NR2F1-AS1: variants seen among roughly 807,000 people sequenced by gnomAD.
NR2F1-AS1 encodes the protein NR2F1 regulatory antisense RNA 1, also known as NR2F1 antisense RNA 1.
At chr5:93,498,548 A>G (rs1206979975) in intron 4 of NR2F1-AS1, among the ~76,000 whole-genome samples, 1 of 152,136 alleles carries the variant, frequency 6.6e-6, no homozygotes, top group Non-Finnish European at 1.5e-5. Context: ...CTTCATATCA[A>G]TATTGCTTCT....
At chr5:93,522,638 G>C (rs1051748721) in intron 4 of NR2F1-AS1, among the ~76,000 whole-genome samples, 5 of 152,206 alleles carry the variant, frequency 3.3e-5, no homozygotes, top group Admixed American at 1.3e-4. Context: ...ATTTTCAACT[G>C]AGGTATGCAG....
At chr5:93,539,824 T>C (rs1251416546) in intron 4 of NR2F1-AS1, among the ~76,000 whole-genome samples, 2 of 152,202 alleles carry the variant, frequency 1.3e-5, no homozygotes, top group Non-Finnish European at 2.9e-5. Flanking sequence ...AGTAACCTGA[T>C]TGGATGATTA....
chr5:93,531,103 C>T (rs1170128865), intron 4 of NR2F1-AS1, among the ~76,000 whole-genome samples: 2 of 152,044 alleles, frequency 1.3e-5, no homozygotes, highest in Non-Finnish European at 2.9e-5. Flanking sequence ...AAAACAAATA[C>T]AGAAGAGAAG....
intron 1 of NR2F1-AS1, among the ~76,000 whole-genome samples, chr5:93,574,903 G>A (rs1308683146): frequency 2.6e-5 from 4 of 152,144 alleles, no homozygotes; most frequent in South Asian, 2.1e-4. Flanking sequence ...TAGGAAACCC[G>A]GGGAAACATA....
intron 4 of NR2F1-AS1, among the ~76,000 whole-genome samples, chr5:93,537,389 G>C (rs1751861315): frequency 6.6e-6 from 1 of 152,172 alleles, no homozygotes; most frequent in Non-Finnish European, 1.5e-5. Flanking sequence ...TTCTCCTACA[G>C]AATAGGAGAA....
intron 4 of NR2F1-AS1, among the ~76,000 whole-genome samples, chr5:93,478,184 A>G (rs1750526371): frequency 6.6e-6 from 1 of 152,164 alleles, no homozygotes; most frequent in Non-Finnish European, 1.5e-5. Flanking sequence ...GGGAAGGGGG[A>G]GTAAGTAGAA....
At chr5:93,567,502 T>C (rs544906446) in intron 1 of NR2F1-AS1, among the ~76,000 whole-genome samples, 11 of 152,236 alleles carry the variant, frequency 7.2e-5, no homozygotes, top group Middle Eastern at 6.3e-3. Context: ...AGGCTATTAC[T>C]GTCTATTACT....
upstream of NR2F1-AS1, chr5:93,585,228 G>C: frequency 5.2e-6 from 8 of 1,551,638 alleles, no homozygotes; most frequent in Non-Finnish European, 6.1e-6. Flanking sequence ...CACGGCGGGG[G>C]ACAAGGGCCA....
chr5:93,505,318 T>C (rs771836801), intron 4 of NR2F1-AS1, among the ~76,000 whole-genome samples: 5 of 152,150 alleles, frequency 3.3e-5, no homozygotes, highest in Non-Finnish European at 7.3e-5. Context: ...AGGCTAATGT[T>C]GCGTGTCTGC....
chr5:93,525,555 C>T (rs1000598745), intron 4 of NR2F1-AS1, among the ~76,000 whole-genome samples: 2 of 152,170 alleles, frequency 1.3e-5, no homozygotes, highest in Non-Finnish European at 2.9e-5. Flanking sequence ...ACGGAATATA[C>T]CTTCTTCTCA....
Position 93,455,845 on chromosome 5 carries a change from A to G in NR2F1-AS1, n.639-60303T>C, listed in dbSNP as rs531657376. Among the ~76,000 whole-genome samples the G allele has an allele frequency of 7.7e-4, 114 of 148,554 alleles. No individual in the cohort carries two copies. In the South Asian group the frequency reaches 8.7e-3, roughly 11 times the overall value. The stretch of plus-strand genomic sequence containing the variant: ...TACCATGTTAACTACACACACACGC[A>G]CACACACACACACACACACACCTGA... On this transcript the variant is annotated intron_variant and non_coding_transcript_variant, in intron 4 of 5. Transcript: ENST00000660523.
chr5:93,514,326 G>A (rs1751359831), intron 4 of NR2F1-AS1, among the ~76,000 whole-genome samples: 2 of 152,010 alleles, frequency 1.3e-5, no homozygotes, highest in African/African-American at 2.4e-5. Context: ...AATGAAAAAG[G>A]AAACATGAAT....
chr5:93,510,370 T>C (rs1364106044), intron 4 of NR2F1-AS1, among the ~76,000 whole-genome samples: 2 of 152,164 alleles, frequency 1.3e-5, no homozygotes, highest in Non-Finnish European at 2.9e-5. Context: ...ATCATTCCTT[T>C]GTATCAAAGT....
intron 4 of NR2F1-AS1, among the ~76,000 whole-genome samples, chr5:93,418,975 A>G (rs1213323403): frequency 6.6e-6 from 1 of 152,246 alleles, no homozygotes; most frequent in Non-Finnish European, 1.5e-5. Flanking sequence ...CCTCATTATT[A>G]TTAATCAAAT....
intron 4 of NR2F1-AS1, among the ~76,000 whole-genome samples, chr5:93,470,366 G>T (rs902561998): frequency 2.0e-5 from 3 of 151,724 alleles, no homozygotes; most frequent in African/African-American, 7.3e-5. Flanking sequence ...CTAGATGCAG[G>T]CATTAAAAAT....
At chr5:93,414,393 G>A (rs1222677042) in intron 4 of NR2F1-AS1, among the ~76,000 whole-genome samples, 1 of 152,178 alleles carries the variant, frequency 6.6e-6, no homozygotes, top group Non-Finnish European at 1.5e-5. Flanking sequence ...TATGGTTGAT[G>A]GGATGTGAGT....
At chr5:93,436,152 T>A (rs984109854) in intron 4 of NR2F1-AS1, among the ~76,000 whole-genome samples, 3 of 152,228 alleles carry the variant, frequency 2.0e-5, no homozygotes, top group Non-Finnish European at 2.9e-5. Flanking sequence ...AGAAAATCTG[T>A]TTAAATTGTA....
intron 2 of NR2F1-AS1, among the ~76,000 whole-genome samples, chr5:93,560,189 T>C (rs1407285707): frequency 6.6e-6 from 1 of 152,170 alleles, no homozygotes; most frequent in East Asian, 1.9e-4. Flanking sequence ...TTAATAATAA[T>C]AATAGGGCTT....
At chr5:93,486,187 G>C (rs548443274) in intron 4 of NR2F1-AS1, among the ~76,000 whole-genome samples, 1 of 146,634 alleles carries the variant, frequency 6.8e-6, no homozygotes, top group African/African-American at 2.5e-5. Context: ...TGGGTGCAGC[G>C]CACCAGCATG....
Sources: gnomAD v4.1 joint callset for allele counts (sites outside exome capture counted in the v4.1 genomes callset) on GRCh38, gnomAD v4.1.1 for gene constraint, MANE v1.5 for transcripts, NCBI Gene and HGNC (gene_info 2026-07-23, HGNC 2026-07-21) for gene names.